PRNP: variants seen among roughly 807,000 people sequenced by gnomAD.
The protein encoded by PRNP is major prion protein.
In PRNP, 15 loss-of-function variants were observed where a neutral mutation model predicts 21.3. That is an observed-to-expected ratio of 0.71 (90% CI 0.47 to 1.09). The LOEUF (loss-of-function observed/expected upper bound fraction) is 1.09. Among genes scored for constraint, PRNP ranks in the 50% least tolerant of loss-of-function variants. The pLI, the probability that PRNP is intolerant of heterozygous loss-of-function variation, is 0.00. For synonymous variants in PRNP, 121 were observed against 123.1 expected (o/e 0.98, Z 0.11); for missense variants, 285 against 340.9 (o/e 0.84, Z 1.29).
In PRNP at chr20:4,699,424, T is replaced by C. The variant is rs532493114; in HGVS notation, c.204T>C (p.Pro68=). The change falls in exon 2 of 2, where the codon CCT becomes CCC. Residue 68 remains proline (P), a synonymous_variant. Coordinates refer to ENST00000379440, the MANE Select transcript of PRNP (RefSeq NM_000311.5). The surrounding 1 kb of genome is among the most constrained non-coding windows in gnomAD (Gnocchi z 5.8). ...CTCATGGTGGTGGCTGGGGGCAGCC[T>C]CATGGTGGTGGCTGGGGGCAGCCCC... ...GQPHGGGWGQ[P]HGGGWGQPHG... 1,609 of 1,606,432 alleles carry C rather than the reference T, an allele frequency of 1.0e-3. 6 individuals carry two copies. Among genetic ancestry groups the C allele is most frequent in the African/African-American group, 5.7e-3 (418 of 73,896 alleles).
chr20:4,687,056 G>T (rs1045515863), intron 1 of PRNP, among the ~76,000 whole-genome samples: 1 of 152,054 alleles, frequency 6.6e-6, no homozygotes. Context: ...TGCTTGGGGG[G>T]ATGGAGAGAG....
Position 4,699,946 on chromosome 20 carries a change from C to T in PRNP, c.726C>T (p.Leu242=), listed in dbSNP as rs1922488287. The change falls in exon 2 of 2, where the codon CTC becomes CTT. Residue 242 remains leucine (L), a synonymous_variant. Coordinates refer to ENST00000379440, the MANE Select transcript of PRNP (RefSeq NM_000311.5). The surrounding 1 kb of genome is among the most constrained non-coding windows in gnomAD (Gnocchi z 5.8). ...MVLFSSPPVI[L]LISFLIFLIV... is the part of the protein sequence containing the mutation. ...TCTTCTCCTCTCCACCTGTGATCCT[C>T]CTGATCTCTTTCCTCATCTTCCTGA... The T allele has an allele frequency of 4.3e-6, 7 of 1,613,448 alleles. No homozygotes were observed. Among genetic ancestry groups the T allele is most frequent in the Non-Finnish European group, 5.9e-6 (7 of 1,179,794 alleles).
chr20:4,699,388 C>T lies in PRNP; in HGVS notation c.168C>T (p.Gly56=). Residue 56 remains glycine (G), a synonymous_variant, in exon 2 of 2, where the codon GGC becomes GGT. Coordinates refer to ENST00000379440, the MANE Select transcript of PRNP (RefSeq NM_000311.5). The surrounding 1 kb of genome is among the most constrained non-coding windows in gnomAD (Gnocchi z 5.8). ...GNRYPPQGGG[G]WGQPHGGGWG... is the part of the protein sequence containing the mutation. ...GCTACCCACCTCAGGGCGGTGGTGGCTGGGGGCAGCCTCATGGTGGTGGCT... is the reference window on the plus strand; with the variant it reads ...GCTACCCACCTCAGGGCGGTGGTGGTTGGGGGCAGCCTCATGGTGGTGGCT... 6.2e-7 allele frequency: 1 copy of T among 1,608,770 alleles called. No individual in the cohort carries two copies.
intron 1 of PRNP, among the ~76,000 whole-genome samples, chr20:4,690,899 A>G (rs1921785052): frequency 6.6e-6 from 1 of 152,230 alleles, no homozygotes; most frequent in Non-Finnish European, 1.5e-5. Flanking sequence ...TGGAGACGAC[A>G]TGATTTTACA....
At position 4,699,910 on chromosome 20, in the gene PRNP, G is replaced by A. The variant is rs771913694; in HGVS notation, c.690G>A (p.Ser230=). The A allele has an allele frequency of 6.2e-6, 10 of 1,613,716 alleles. No individual in the cohort carries two copies. In the East Asian group the frequency reaches 8.9e-5, roughly 14 times the overall value. ...CTCAGGCCTATTACCAGAGAGGATCGAGCATGGTCCTCTTCTCCTCTCCAC... is the reference window on the plus strand; with the variant it reads ...CTCAGGCCTATTACCAGAGAGGATCAAGCATGGTCCTCTTCTCCTCTCCAC... ...RESQAYYQRG[S]SMVLFSSPPV... is the part of the protein sequence containing the mutation. The change falls in exon 2 of 2, where the codon TCG becomes TCA. Residue 230 remains serine, a synonymous_variant. Coordinates refer to ENST00000379440, the MANE Select transcript of PRNP (RefSeq NM_000311.5). The surrounding 1 kb of genome is among the most constrained non-coding windows in gnomAD (Gnocchi z 5.8).
chr20:4,688,783 GC>G (rs2122197351), intron 1 of PRNP, among the ~76,000 whole-genome samples: 1 of 152,278 alleles, frequency 6.6e-6, no homozygotes, highest in East Asian at 1.9e-4. Flanking sequence ...TAACGTGAAC[GC>G]ATATGTGAAA....
rs762250479 is a variant in PRNP, at chr20:4,697,492, G to C, written c.-10-1719G>C. On this transcript the variant is annotated intron_variant, in intron 1 of 1. Coordinates refer to ENST00000379440, the MANE Select transcript of PRNP (RefSeq NM_000311.5). This position sits in a 1 kb window ranked among gnomAD's most constrained non-coding sequence, Gnocchi z 4.6. Reference sequence around the variant, plus strand: ...GGTGCTGTTTTAGGTAGAGTGATGGGAACAGCCCCACTGAGCAAACTTTAG... The same window carrying C: ...GGTGCTGTTTTAGGTAGAGTGATGGCAACAGCCCCACTGAGCAAACTTTAG... 3.3e-5 allele frequency among the ~76,000 whole-genome samples: 5 copies of C among 152,170 alleles called. No individual in the cohort carries two copies. Among genetic ancestry groups the C allele is most frequent in the Non-Finnish European group, 5.9e-5 (4 of 68,022 alleles).
chr20:4,699,286 C>T lies in PRNP; in HGVS notation c.66C>T (p.Cys22=), dbSNP rs762612626. The T allele has an allele frequency of 1.2e-6, 2 of 1,614,084 alleles. No individual in the cohort carries two copies. The highest frequency in any genetic ancestry group is 1.7e-6 in the Non-Finnish European group (2 of 1,180,044). ...CCACATGGAGTGACCTGGGCCTCTGCAAGAAGCGCCCGAAGCCTGGAGGAT... is the reference window on the plus strand; with the variant it reads ...CCACATGGAGTGACCTGGGCCTCTGTAAGAAGCGCCCGAAGCCTGGAGGAT... ...FVATWSDLGL[C]KKRPKPGGWN... Residue 22 remains cysteine, a synonymous_variant, in exon 2 of 2, where the codon TGC becomes TGT. Transcript: ENST00000379440. The surrounding 1 kb of genome is among the most constrained non-coding windows in gnomAD (Gnocchi z 5.8).
At position 4,700,150 on chromosome 20, in the gene PRNP, G is replaced by C. The variant is rs1009024719; in HGVS notation, c.*168G>C. The C allele has an allele frequency of 2.6e-6, 4 of 1,544,702 alleles. No individual in the cohort carries two copies. The highest frequency in any genetic ancestry group is 1.4e-5 in the African/African-American group (1 of 72,928). On this transcript the variant is annotated 3_prime_UTR_variant, in exon 2 of 2. Transcript: ENST00000379440. This position sits in a 1 kb window ranked among gnomAD's most constrained non-coding sequence, Gnocchi z 4.1. ...GATGGGCACTGGAAAACATAGAGTAGACCTGAGATGCTGGTCAAGCCCCCT... is the reference window on the plus strand; with the variant it reads ...GATGGGCACTGGAAAACATAGAGTACACCTGAGATGCTGGTCAAGCCCCCT...
intron 1 of PRNP, among the ~76,000 whole-genome samples, chr20:4,691,901 A>T (rs145861797): frequency 1.3e-5 from 2 of 152,352 alleles, no homozygotes; most frequent in Non-Finnish European, 2.9e-5. Context: ...AGCATGCTCC[A>T]TGTGCTGTTG....
chr20:4,699,609 T>C lies in PRNP; in HGVS notation c.389T>C (p.Leu130Pro). 6.2e-7 allele frequency: 1 copy of C among 1,613,980 alleles called. No homozygotes were observed. The highest frequency in any genetic ancestry group is 8.5e-7 in the Non-Finnish European group (1 of 1,179,964). ...AVVGGLGGYMLGSAMSRPIIH... is the reference protein window; with the variant it reads ...AVVGGLGGYMPGSAMSRPIIH... ...GTGGGGGGCCTTGGCGGCTACATGC[T>C]GGGAAGTGCCATGAGCAGGCCCATC... Residue 130 changes from leucine to proline, a missense_variant, in exon 2 of 2, where the codon CTG (leucine) becomes CCG (proline). Leu to Pro is a moderately conservative substitution (Grantham distance 98, BLOSUM62 -3). Coordinates refer to ENST00000379440, the MANE Select transcript of PRNP (RefSeq NM_000311.5). The surrounding 1 kb of genome is among the most constrained non-coding windows in gnomAD (Gnocchi z 5.8).
intron 1 of PRNP, among the ~76,000 whole-genome samples, chr20:4,696,723 A>G (rs6116475): frequency 0.21 from 32,408 of 152,116 alleles, 3,738 homozygotes; most frequent in Admixed American, 0.28. Context: ...GACCATTACC[A>G]TATACTTAAT....
At position 4,700,244 on chromosome 20, in the gene PRNP, G is replaced by T; in HGVS notation, c.*262G>T. On this transcript the variant is annotated 3_prime_UTR_variant, in exon 2 of 2. Coordinates refer to ENST00000379440, the MANE Select transcript of PRNP (RefSeq NM_000311.5). The surrounding 1 kb of genome is among the most constrained non-coding windows in gnomAD (Gnocchi z 4.1). ...AAAGTATAACAGCAAATAACCATTGGTTAATCTGGACTTATTTTTGGACTT... is the reference window on the plus strand; with the variant it reads ...AAAGTATAACAGCAAATAACCATTGTTTAATCTGGACTTATTTTTGGACTT... 8.6e-7 allele frequency: 1 copy of T among 1,159,498 alleles called. No homozygotes were observed. The highest frequency in any genetic ancestry group is 1.2e-6 in the Non-Finnish European group (1 of 810,500). The allele number at this position is 1,159,498 out of a possible 1,614,324, so 71.8% of individuals were successfully genotyped here. A position where few individuals can be genotyped will look rare whatever the true frequency, so the allele number is the denominator to read the frequency against.
rs1308413226 is a variant in PRNP at position 4,700,759 on chromosome 20, G to A, written c.*777G>A. 1 of 169,132 alleles carries A rather than the reference G, an allele frequency of 5.9e-6. No homozygotes were observed. Among genetic ancestry groups the A allele is most frequent in the Non-Finnish European group, 1.4e-5 (1 of 69,516 alleles). 10.5% of individuals were successfully genotyped at this position (169,132 alleles called of 1,614,324 possible). On this transcript the variant is annotated 3_prime_UTR_variant, in exon 2 of 2. Coordinates refer to ENST00000379440, the MANE Select transcript of PRNP (RefSeq NM_000311.5). This position sits in a 1 kb window ranked among gnomAD's most constrained non-coding sequence, Gnocchi z 4.1. ...AACCTCCCATTTTAGATGTTTAAAGGACCCTATATGTGGCATTCCTTTCTT... is the reference window on the plus strand; with the variant it reads ...AACCTCCCATTTTAGATGTTTAAAGAACCCTATATGTGGCATTCCTTTCTT...
At position 4,699,808 on chromosome 20, in the gene PRNP, G is replaced by A; in HGVS notation, c.588G>A (p.Glu196=). The A allele has an allele frequency of 5.0e-6, 8 of 1,613,954 alleles. No homozygotes were observed. Among genetic ancestry groups the A allele is most frequent in the Non-Finnish European group, 5.1e-6 (6 of 1,180,012 alleles). ...CGGTCACCACAACCACCAAGGGGGA[G>A]AACTTCACCGAGACCGACGTTAAGA... ...QHTVTTTTKG[E]NFTETDVKMM... The change falls in exon 2 of 2, where the codon GAG becomes GAA. Residue 196 remains glutamate (E), a synonymous_variant. Coordinates refer to ENST00000379440, the MANE Select transcript of PRNP (RefSeq NM_000311.5). The surrounding 1 kb of genome is among the most constrained non-coding windows in gnomAD (Gnocchi z 5.8).
At chr20:4,687,804 C>T (rs1209396306) in intron 1 of PRNP, among the ~76,000 whole-genome samples, 1 of 152,130 alleles carries the variant, frequency 6.6e-6, no homozygotes, top group East Asian at 1.9e-4. Flanking sequence ...TGAAGTGTTT[C>T]CCGTTTCCTT....
rs1227832476 is a variant in PRNP, at chr20:4,701,264, T to C, written c.*1282T>C. 1 of 167,056 alleles carries C rather than the reference T, an allele frequency of 6.0e-6. No individual in the cohort carries two copies. 10.3% of individuals were successfully genotyped at this position (167,056 alleles called of 1,614,324 possible). A position where few individuals can be genotyped will look rare whatever the true frequency, so the allele number is the denominator to read the frequency against. On this transcript the variant is annotated 3_prime_UTR_variant, in exon 2 of 2. Transcript: ENST00000379440. This position sits in a 1 kb window ranked among gnomAD's most constrained non-coding sequence, Gnocchi z 4.2. Reference sequence around the variant, plus strand: ...TGTGAGTATTCTATGTAAAAATATATATGTATATAAAATATATATTGCATA... The same window carrying C: ...TGTGAGTATTCTATGTAAAAATATACATGTATATAAAATATATATTGCATA...
intron 1 of PRNP, among the ~76,000 whole-genome samples, chr20:4,691,134 A>T (rs1921801622): frequency 6.6e-6 from 1 of 152,230 alleles, no homozygotes; most frequent in Non-Finnish European, 1.5e-5. Context: ...TGAAAACTAT[A>T]AAACACTGAT....
chr20:4,686,605 T>G lies in PRNP; in HGVS notation c.-11+93T>G, dbSNP rs1324991680. On this transcript the variant is annotated intron_variant, in intron 1 of 1. Coordinates refer to ENST00000379440, the MANE Select transcript of PRNP (RefSeq NM_000311.5). This position sits in a 1 kb window ranked among gnomAD's most constrained non-coding sequence, Gnocchi z 6.7. ...GGGCCTCGGGTCCCAGGCGCAAGGG[T>G]GCCCGGCCGGGCGGGGTCGGGACCC... 6.6e-6 allele frequency: 1 copy of G among 150,840 alleles called. No homozygotes were observed. Among genetic ancestry groups the G allele is most frequent in the Non-Finnish European group, 1.5e-5 (1 of 67,636 alleles). The allele number at this position is 150,840 out of a possible 1,614,324, so 9.3% of individuals were successfully genotyped here. A position where few individuals can be genotyped will look rare whatever the true frequency, so the allele number is the denominator to read the frequency against.
Sources: gnomAD v4.1 joint callset for allele counts (sites outside exome capture counted in the v4.1 genomes callset) on GRCh38, gnomAD v4.1.1 for gene constraint, Gnocchi (gnomAD v3.1) non-coding constraint, MANE v1.5 for transcripts, NCBI Gene and HGNC (gene_info 2026-07-23, HGNC 2026-07-21) for gene names.